GPC6: variants seen among roughly 807,000 people sequenced by gnomAD.
The protein encoded by GPC6 is glypican 6, also known as glypican-6.
A neutral mutation model predicts 55.2 loss-of-function variants in GPC6; 14 were observed. The ratio of observed to expected loss-of-function variants is 0.25; its 90% CI spans 0.17 to 0.40. GPC6 has a LOEUF of 0.40. Among genes scored for constraint, GPC6 ranks in the 10% least tolerant of loss-of-function variants. The pLI, the probability that GPC6 is intolerant of heterozygous loss-of-function variation, is 1.00. For synonymous variants in GPC6, 278 were observed against 259.6 expected, an observed-to-expected ratio of 1.07 and a Z score of -0.68; for missense variants, 641 against 708.5, an observed-to-expected ratio of 0.90 and a Z score of 1.08.
At chr13:94,400,300 C>A (rs1201199852) in intron 8 of GPC6, among the ~76,000 whole-genome samples, 1 of 152,068 alleles carries the variant, frequency 6.6e-6, no homozygotes, top group African/African-American at 2.4e-5. Flanking sequence ...TTTGTGATTC[C>A]TTTTCAAAAA....
intron 2 of GPC6, among the ~76,000 whole-genome samples, chr13:93,795,770 T>C (rs919528047): frequency 6.6e-6 from 1 of 152,224 alleles, no homozygotes; most frequent in Admixed American, 6.5e-5. Context: ...TCTTCACTGC[T>C]AATGGCAAAT....
intron 2 of GPC6, among the ~76,000 whole-genome samples, chr13:93,806,234 A>G (rs1886538018): frequency 6.6e-6 from 1 of 152,116 alleles, no homozygotes; most frequent in Admixed American, 6.5e-5. Context: ...CTCAATTTGG[A>G]GAGTATGTTC....
intron 2 of GPC6, among the ~76,000 whole-genome samples, chr13:93,772,252 A>C (rs1344927358): frequency 6.6e-6 from 1 of 152,164 alleles, no homozygotes; most frequent in African/African-American, 2.4e-5. Flanking sequence ...ATCTATGAAG[A>C]TATCGGCATT....
chr13:94,076,974 T>C (rs1230758170), intron 4 of GPC6, among the ~76,000 whole-genome samples: 2 of 150,606 alleles, frequency 1.3e-5, no homozygotes, highest in Non-Finnish European at 3.0e-5. Flanking sequence ...TTTTTTTTTT[T>C]TTTTGTGGCT....
intron 4 of GPC6, among the ~76,000 whole-genome samples, chr13:94,112,895 C>T (rs1886302221): frequency 6.6e-6 from 1 of 151,922 alleles, no homozygotes; most frequent in Non-Finnish European, 1.5e-5. Flanking sequence ...GATGATAGCA[C>T]ATGCAAAAAT....
intron 2 of GPC6, among the ~76,000 whole-genome samples, chr13:93,772,154 T>G (rs1885322921): frequency 6.6e-6 from 1 of 152,146 alleles, no homozygotes. Context: ...TAATAAAATG[T>G]CACTGATGAT....
intron 2 of GPC6, among the ~76,000 whole-genome samples, chr13:93,805,249 A>G (rs1886508436): frequency 6.6e-6 from 1 of 152,194 alleles, no homozygotes; most frequent in African/African-American, 2.4e-5. Context: ...TATTAAATCT[A>G]TACTTATAGT....
At chr13:94,132,820 G>A (rs1053557670) in intron 4 of GPC6, among the ~76,000 whole-genome samples, 2 of 152,226 alleles carry the variant, frequency 1.3e-5, no homozygotes, top group Admixed American at 1.3e-4. Context: ...ACCGCCTCAG[G>A]ACCCAGCCCA....
At chr13:93,545,121 C>G in intron 1 of GPC6, 142 bp from the exon 2 acceptor site, 1 of 727,918 alleles carries the variant, frequency 1.4e-6, no homozygotes, top group South Asian at 1.5e-5. Flanking sequence ...GTGCTGTGGC[C>G]CAGATAGAGT....
chr13:94,009,314 A>T (rs150762809), intron 3 of GPC6, among the ~76,000 whole-genome samples: 107 of 152,356 alleles, frequency 7.0e-4, no homozygotes, highest in African/African-American at 2.5e-3. Flanking sequence ...TTCATTGAAC[A>T]TCTTCCAAAC....
chr13:93,239,973 A>T (rs538464817), intron 1 of GPC6, among the ~76,000 whole-genome samples: 5 of 152,182 alleles, frequency 3.3e-5, no homozygotes, highest in African/African-American at 9.6e-5. Context: ...TTTTAGGTTT[A>T]TTCTGCTGCA....
chr13:93,937,941 T>C (rs1878521417), intron 3 of GPC6, among the ~76,000 whole-genome samples: 1 of 152,176 alleles, frequency 6.6e-6, no homozygotes, highest in African/African-American at 2.4e-5. Context: ...CAGAAATAAA[T>C]ACTAAACAAT....
At chr13:93,948,476 C>T (rs1879109728) in intron 3 of GPC6, among the ~76,000 whole-genome samples, 1 of 152,126 alleles carries the variant, frequency 6.6e-6, no homozygotes, top group Non-Finnish European at 1.5e-5. Flanking sequence ...AATTCATGAA[C>T]TGTAGATAGT....
At chr13:94,286,053 C>T (rs905430130) in intron 4 of GPC6, among the ~76,000 whole-genome samples, 1 of 152,172 alleles carries the variant, frequency 6.6e-6, no homozygotes, top group Admixed American at 6.5e-5. Context: ...TGATCCCTGA[C>T]CTAATACTGT....
intron 4 of GPC6, among the ~76,000 whole-genome samples, chr13:94,085,908 A>C (rs1885265130): frequency 6.6e-6 from 1 of 152,198 alleles, no homozygotes; most frequent in South Asian, 2.1e-4. Flanking sequence ...TTTGACTTCA[A>C]TTTATATAAT....
chr13:93,539,534 A>G (rs1026668250), intron 1 of GPC6, among the ~76,000 whole-genome samples: 2 of 152,126 alleles, frequency 1.3e-5, no homozygotes, highest in African/African-American at 4.8e-5. Context: ...CTCACGCGGA[A>G]TTGGATGCTG....
At chr13:93,832,540 G>T (rs531743710) in intron 3 of GPC6, among the ~76,000 whole-genome samples, 1 of 152,238 alleles carries the variant, frequency 6.6e-6, no homozygotes, top group East Asian at 1.9e-4. Context: ...ATGTTTAGAT[G>T]TGTGTATTAT....
At chr13:93,888,188 G>A in intron 3 of GPC6, among the ~76,000 whole-genome samples, 1 of 152,156 alleles carries the variant, frequency 6.6e-6, no homozygotes, top group East Asian at 1.9e-4. Flanking sequence ...TTGGACAGTT[G>A]TGTTTCCAAG....
intron 3 of GPC6, among the ~76,000 whole-genome samples, chr13:94,022,487 T>C (rs1168774041): frequency 6.6e-6 from 1 of 152,084 alleles, no homozygotes; most frequent in African/African-American, 2.4e-5. Context: ...ATTCTTTCCA[T>C]GATGCACACC....
Sources: gnomAD v4.1 joint callset for allele counts (sites outside exome capture counted in the v4.1 genomes callset) on GRCh38, gnomAD v4.1.1 for gene constraint, MANE v1.5 for transcripts, NCBI Gene and HGNC (gene_info 2026-07-23, HGNC 2026-07-21) for gene names.